Variants in NF1 observed in about 807,000 individuals in gnomAD.
NF1 encodes the protein neurofibromin 1.
Under a neutral mutation model 325.7 loss-of-function variants are expected in NF1, and 122 were observed. The observed-to-expected ratio is 0.37, with a 90% CI of 0.32 to 0.44. The LOEUF (loss-of-function observed/expected upper bound fraction) is 0.44, where lower values mean the gene tolerates loss of function less well. Among genes scored for constraint, NF1 ranks in the 20% least tolerant of loss-of-function variants. The pLI is 1.00. For missense variants in NF1, 2,140 were observed against 3,415.4 expected (o/e 0.63, Z 9.31); for synonymous variants, 1,091 against 1,186.0 (o/e 0.92, Z 1.65).
intron 1 of NF1, among the ~76,000 whole-genome samples, chr17:31,142,158 C>G (rs1916265884): frequency 6.6e-6 from 1 of 152,122 alleles, no homozygotes; most frequent in Non-Finnish European, 1.5e-5. Flanking sequence ...TTTGCTAAAT[C>G]CTCTTGTTTG....
intron 29 of NF1, among the ~76,000 whole-genome samples, chr17:31,237,936 C>CT (rs945240443): frequency 6.6e-6 from 1 of 152,108 alleles, no homozygotes; most frequent in African/African-American, 2.4e-5. Context: ...AAAGTCAACA[C>CT]TCCTGTGTTC....
intron 36 of NF1, among the ~76,000 whole-genome samples, chr17:31,276,163 C>T (rs958541013): frequency 5.2e-5 from 7 of 134,134 alleles, no homozygotes; most frequent in African/African-American, 1.7e-4. Context: ...GAGCTGAGAT[C>T]GCACCACTGC....
chr17:31,103,821 A>AG (rs1046996949), intron 1 of NF1, among the ~76,000 whole-genome samples: 2 of 152,092 alleles, frequency 1.3e-5, no homozygotes, highest in East Asian at 1.9e-4. Context: ...AGTAAAAAAA[A>AG]CAAATAAAAA....
At chr17:31,298,187 A>G (rs963780736) in intron 36 of NF1, among the ~76,000 whole-genome samples, 9 of 152,166 alleles carry the variant, frequency 5.9e-5, no homozygotes, top group African/African-American at 2.2e-4. Flanking sequence ...TTAAAATTAC[A>G]TGAAATGATA....
At chr17:31,358,438 T>C (rs2070323145) in intron 54 of NF1, 42 bp from the exon 55 acceptor site, 1 of 1,586,166 alleles carries the variant, frequency 6.3e-7, no homozygotes, top group Admixed American at 1.7e-5. Flanking sequence ...TCATTTAATT[T>C]TCCTCTAAAA....
intron 1 of NF1, among the ~76,000 whole-genome samples, chr17:31,152,056 C>A (rs1162762159): frequency 1.3e-5 from 2 of 152,010 alleles, no homozygotes; most frequent in African/African-American, 2.4e-5. Context: ...CGACAGGCCC[C>A]GGTGTGTGAT....
intron 29 of NF1, among the ~76,000 whole-genome samples, chr17:31,248,101 C>G (rs2067429128): frequency 6.6e-6 from 1 of 152,018 alleles, no homozygotes; most frequent in South Asian, 2.1e-4. Flanking sequence ...ACTTGGGAGG[C>G]TGAGGCAGGA....
chr17:31,145,287 G>T (rs1304786606), intron 1 of NF1, among the ~76,000 whole-genome samples: 2 of 152,170 alleles, frequency 1.3e-5, no homozygotes, highest in African/African-American at 4.8e-5. Flanking sequence ...CCGCCTCCCG[G>T]GTTCAAGCAA....
At chr17:31,189,085 A>C (rs1438434158) in intron 8 of NF1, among the ~76,000 whole-genome samples, 2 of 152,220 alleles carry the variant, frequency 1.3e-5, no homozygotes, top group African/African-American at 4.8e-5. Context: ...CTATAGATTC[A>C]GTAGTACTCG....
At chr17:31,213,574 T>G (rs2066767938) in intron 12 of NF1, among the ~76,000 whole-genome samples, 1 of 152,178 alleles carries the variant, frequency 6.6e-6, no homozygotes, top group Non-Finnish European at 1.5e-5. Flanking sequence ...TCATTCAGAA[T>G]CAGATAGTTT....
At position 31,169,966 on chromosome 17, in the gene NF1, G is replaced by T. The variant is rs2143707858; in HGVS notation, c.555G>T (p.Val185=). Residue 185 remains valine (V), a synonymous_variant, in exon 5 of 58, where the codon GTG becomes GTT. Coordinates refer to ENST00000358273, the MANE Select transcript of NF1 (RefSeq NM_001042492.3). ...TAGAATTGTTACAGTATATCAATGT[G>T]GATTGTGCAAAATTAAAACGACTCC... is the stretch of plus-strand genomic sequence containing the variant. The part of the protein sequence containing the change: ...HDIELLQYIN[V]DCAKLKRLLK... The T allele has an allele frequency of 6.2e-7, 1 of 1,609,410 alleles. No homozygotes were observed. The highest frequency in any genetic ancestry group is 8.5e-7 in the Non-Finnish European group (1 of 1,176,760).
chr17:31,182,801 T>C, intron 8 of NF1, 136 bp downstream of exon 8: 4 of 861,998 alleles, frequency 4.6e-6, no homozygotes, highest in Non-Finnish European at 7.4e-6. Flanking sequence ...TAGGTTTCTT[T>C]GTTTGATGGA....
At position 31,327,801 on chromosome 17, in the gene NF1, C is replaced by T. The variant is rs771837192; in HGVS notation, c.5571C>T (p.Ile1857=). ...ATGTCCCTGGGACACTGCTCAATAT[C>T]GCATTACTTAATTTAGGCAGTTCTG... ...PKDVPGTLLN[I]ALLNLGSSDP... The change falls in exon 38 of 58, where the codon ATC becomes ATT. Residue 1857 remains isoleucine, a synonymous_variant. Transcript: ENST00000358273. 1.1e-5 allele frequency: 18 copies of T among 1,614,000 alleles called. No homozygotes were observed. Among genetic ancestry groups the T allele is most frequent in the East Asian group, 6.7e-5 (3 of 44,898 alleles).
intron 36 of NF1, among the ~76,000 whole-genome samples, chr17:31,325,483 G>T (rs2069317562): frequency 6.6e-6 from 1 of 152,242 alleles, no homozygotes; most frequent in African/African-American, 2.4e-5. Flanking sequence ...CAGAGCTCCA[G>T]ATGGGTCATT....
intron 29 of NF1, among the ~76,000 whole-genome samples, chr17:31,240,448 T>C (rs2067276506): frequency 1.3e-5 from 2 of 152,224 alleles, no homozygotes; most frequent in African/African-American, 4.8e-5. Context: ...CCGTTGTGTA[T>C]ATGTACCACA....
chr17:31,192,566 G>C (rs1489864538), intron 8 of NF1, among the ~76,000 whole-genome samples: 1 of 152,132 alleles, frequency 6.6e-6, no homozygotes, highest in African/African-American at 2.4e-5. Context: ...AGAGAGAGAA[G>C]GTTGTAAAAT....
chr17:31,292,784 T>C (rs1423662266), intron 36 of NF1, among the ~76,000 whole-genome samples: 1 of 152,214 alleles, frequency 6.6e-6, no homozygotes, highest in Non-Finnish European at 1.5e-5. Flanking sequence ...CCTAATGCAG[T>C]AGTCTATAAT....
At position 31,261,678 on chromosome 17, in the gene NF1, T is replaced by TAAAGGGA; in HGVS notation, c.4578-31_4578-30insAGGGAAA. 6.2e-7 allele frequency: 1 copy of TAAAGGGA among 1,611,608 alleles called. No homozygotes were observed. Among genetic ancestry groups the TAAAGGGA allele is most frequent in the South Asian group, 1.1e-5 (1 of 90,984 alleles). On this transcript the variant is annotated intron_variant, in intron 34 of 57. Transcript: ENST00000358273. The stretch of plus-strand genomic sequence containing the variant: ...ATGTGTAGTGCTAAATGTGAACTGC[T>TAAAGGGA]AATTTTTTTTCTAAGTAGTTTGCTG...
intron 1 of NF1, among the ~76,000 whole-genome samples, chr17:31,113,087 C>T (rs879634942): frequency 1.3e-5 from 2 of 152,060 alleles, no homozygotes; most frequent in Admixed American, 6.6e-5. Context: ...TGTATGGTTT[C>T]GGATTGGCTT....
Sources: allele counts gnomAD v4.1 joint callset (sites outside exome capture counted in the v4.1 genomes callset), GRCh38; gene constraint gnomAD v4.1.1; transcripts MANE v1.5; gene names NCBI Gene and HGNC (gene_info 2026-07-23, HGNC 2026-07-21).